Variants in MACROD2 observed in about 807,000 individuals in gnomAD.
MACROD2 encodes mono-ADP ribosylhydrolase 2.
MACROD2 carries 36 observed loss-of-function variants against 70.4 expected under a neutral mutation model. The observed-to-expected ratio is 0.51, with a 90% CI of 0.39 to 0.68. The LOEUF (loss-of-function observed/expected upper bound fraction) is 0.68, where lower values mean the gene tolerates loss of function less well. Among genes scored for constraint, MACROD2 ranks in the 30% least tolerant of loss-of-function variants. The probability of loss-of-function intolerance (pLI) is 0.00; values close to 1 mark genes in which losing one functional copy is unlikely to be tolerated. For missense variants in MACROD2, 496 were observed against 538.4 expected, an observed-to-expected ratio of 0.92 and a Z score of 0.78; for synonymous variants, 172 against 178.8, an observed-to-expected ratio of 0.96 and a Z score of 0.30.
intron 8 of MACROD2, among the ~76,000 whole-genome samples, chr20:15,780,324 A>T (rs4813196): frequency 5.3e-5 from 8 of 151,820 alleles, no homozygotes; most frequent in Non-Finnish European, 1.2e-4. Context: ...CATTAAGTTT[A>T]CTAGTCTGGT....
intron 6 of MACROD2, among the ~76,000 whole-genome samples, chr20:15,394,713 C>G (rs1034287347): frequency 1.3e-5 from 2 of 152,158 alleles, no homozygotes; most frequent in African/African-American, 4.8e-5. Flanking sequence ...CAAGTGTATT[C>G]CACCCTGGTA....
rs192757080 is a variant in MACROD2 at position 16,012,597 on chromosome 20, G to A, written c.1153+25439G>A. ...ACTACAATGGTAATCTGTTGCTTAG[G>A]AAATGTGATGTGTAGTGTAGAAGAA... On this transcript the variant is annotated intron_variant, in intron 15 of 17. Coordinates refer to ENST00000684519, the MANE Select transcript of MACROD2 (RefSeq NM_001351661.2). Among the ~76,000 whole-genome samples the A allele has an allele frequency of 1.4e-4, 22 of 152,302 alleles. No homozygotes were observed. The East Asian group carries it at 3.3e-3, about 23-fold the overall frequency.
At chr20:15,828,148 A>G (rs1283581025) in intron 8 of MACROD2, among the ~76,000 whole-genome samples, 1 of 152,194 alleles carries the variant, frequency 6.6e-6, no homozygotes, top group East Asian at 1.9e-4. Context: ...CACAAAAATG[A>G]TAAGGATATG....
chr20:15,714,033 G>A (rs1460670964), intron 8 of MACROD2, among the ~76,000 whole-genome samples: 5 of 107,330 alleles, frequency 4.7e-5, no homozygotes, highest in African/African-American at 7.3e-5. Context: ...ACACACACAC[G>A]GTATAAATGA....
At chr20:14,395,453 C>T (rs919581150) in intron 3 of MACROD2, among the ~76,000 whole-genome samples, 2 of 152,076 alleles carry the variant, frequency 1.3e-5, no homozygotes, top group Non-Finnish European at 2.9e-5. Flanking sequence ...TCTCTCAGTA[C>T]TAATTTTTGT....
chr20:15,427,733 G>A (rs569453820), intron 6 of MACROD2, among the ~76,000 whole-genome samples: 3 of 152,184 alleles, frequency 2.0e-5, no homozygotes, highest in Non-Finnish European at 4.4e-5. Flanking sequence ...ACTGTCCTGA[G>A]CAGGAGCATG....
At chr20:14,279,339 C>T (rs866024030) in intron 3 of MACROD2, among the ~76,000 whole-genome samples, 3 of 152,142 alleles carry the variant, frequency 2.0e-5, no homozygotes, top group Non-Finnish European at 4.4e-5. Context: ...GACAATCATA[C>T]CTTTTCTTCC....
At chr20:15,821,048 G>A (rs772296608) in intron 8 of MACROD2, among the ~76,000 whole-genome samples, 129 of 151,994 alleles carry the variant, frequency 8.5e-4, no homozygotes, top group Non-Finnish European at 1.5e-3. Flanking sequence ...ACAGATCCTT[G>A]GTCATACTGC....
At position 14,464,948 on chromosome 20, in the gene MACROD2, C is replaced by T. The variant is rs1384593646; in HGVS notation, c.272-28531C>T. Among the ~76,000 whole-genome samples, 6 of 152,222 alleles carry T rather than the reference C, an allele frequency of 3.9e-5. No individual in the cohort carries two copies. In the East Asian group the frequency reaches 1.2e-3, roughly 29 times the overall value. ...TTTACATTTGCTGAGGAGAGCTTTA[C>T]TTCCAACTATGTGGTCAGTTTTGGA... is the stretch of plus-strand genomic sequence containing the variant. On this transcript the variant is annotated intron_variant, in intron 3 of 17. Coordinates refer to ENST00000684519, the MANE Select transcript of MACROD2 (RefSeq NM_001351661.2).
chr20:15,929,805 A>G (rs932199347), intron 10 of MACROD2, among the ~76,000 whole-genome samples: 1 of 152,236 alleles, frequency 6.6e-6, no homozygotes, highest in Non-Finnish European at 1.5e-5. Flanking sequence ...ACGTTGCAGC[A>G]GGAGCCTCTT....
intron 6 of MACROD2, among the ~76,000 whole-genome samples, chr20:15,356,104 C>T (rs2078284525): frequency 6.6e-6 from 1 of 151,990 alleles, no homozygotes; most frequent in Non-Finnish European, 1.5e-5. Context: ...TTGAGCATGG[C>T]TTACATTATA....
At chr20:15,048,379 T>C (rs2075412282) in intron 5 of MACROD2, among the ~76,000 whole-genome samples, 2 of 152,122 alleles carry the variant, frequency 1.3e-5, no homozygotes, top group Middle Eastern at 3.2e-3. Flanking sequence ...TCCTGACAGA[T>C]ACACTTGGTG....
intron 5 of MACROD2, among the ~76,000 whole-genome samples, chr20:14,716,248 A>G (rs950417595): frequency 6.6e-6 from 1 of 152,088 alleles, no homozygotes; most frequent in Non-Finnish European, 1.5e-5. Context: ...TTGTCTTGGG[A>G]TATATCTCTA....
chr20:15,027,043 C>T (rs1484929014), intron 5 of MACROD2, among the ~76,000 whole-genome samples: 1 of 152,078 alleles, frequency 6.6e-6, no homozygotes, highest in African/African-American at 2.4e-5. Flanking sequence ...CAAAATTGAA[C>T]ACCTGGCAAC....
intron 8 of MACROD2, among the ~76,000 whole-genome samples, chr20:15,835,620 A>G (rs1227707579): frequency 6.6e-6 from 1 of 152,142 alleles, no homozygotes; most frequent in Non-Finnish European, 1.5e-5. Flanking sequence ...CAATTATTAT[A>G]TCTATTTGTA....
intron 3 of MACROD2, among the ~76,000 whole-genome samples, chr20:14,111,045 C>A (rs916558031): frequency 6.6e-6 from 1 of 151,898 alleles, no homozygotes; most frequent in Middle Eastern, 3.4e-3. Context: ...ACTAATGGAA[C>A]AGAGAGTCTG....
chr20:15,118,437 C>A (rs561032405), intron 5 of MACROD2, among the ~76,000 whole-genome samples: 1 of 152,030 alleles, frequency 6.6e-6, no homozygotes, highest in African/African-American at 2.4e-5. Flanking sequence ...ATGATCCGCC[C>A]GCCTTGGCCT....
At chr20:14,783,190 C>T (rs947505941) in intron 5 of MACROD2, among the ~76,000 whole-genome samples, 4 of 152,116 alleles carry the variant, frequency 2.6e-5, no homozygotes, top group Non-Finnish European at 5.9e-5. Context: ...CTTTCTAAAT[C>T]CTCTTTCTAA....
At chr20:14,082,177 C>CTTTTTTT (rs66918191) in intron 2 of MACROD2, among the ~76,000 whole-genome samples, 17 of 93,200 alleles carry the variant, frequency 1.8e-4, no homozygotes, top group Non-Finnish European at 2.5e-4. Context: ...CTTTTTTTTT[C>CTTTTTTT]TTTTTTTTTT....
Sources: gnomAD v4.1 joint callset for allele counts (sites outside exome capture counted in the v4.1 genomes callset) on GRCh38, gnomAD v4.1.1 for gene constraint, MANE v1.5 for transcripts, NCBI Gene and HGNC (gene_info 2026-07-23, HGNC 2026-07-21) for gene names.